Variants in ZFAT observed in about 807,000 individuals in gnomAD.
ZFAT encodes zinc finger and AT-hook domain containing, also known as zinc finger protein ZFAT.
ZFAT carries 64 observed loss-of-function variants against 117.7 expected under a neutral mutation model. The observed-to-expected ratio is 0.54, with a 90% confidence interval of 0.44 to 0.67. ZFAT has a LOEUF of 0.67. Among genes scored for constraint, ZFAT ranks in the 30% least tolerant of loss-of-function variants. The pLI, the probability that ZFAT is intolerant of heterozygous loss-of-function variation, is 0.00. For missense variants in ZFAT, 1,433 were observed against 1,584.5 expected (o/e 0.90, Z 1.62); for synonymous variants, 679 against 615.0 (o/e 1.10, Z -1.54).
At chr8:134,690,002 TCACTTA>T (rs1833515446) in intron 1 of ZFAT, among the ~76,000 whole-genome samples, 2 of 152,246 alleles carry the variant, frequency 1.3e-5, no homozygotes, top group Admixed American at 1.3e-4. Context: ...TAGAATCATT[TCACTTA>T]CAATCTATTT....
chr8:134,696,652 G>T, intron 1 of ZFAT: 1 of 973,300 alleles, frequency 1.0e-6, no homozygotes, highest in Non-Finnish European at 1.2e-6. Flanking sequence ...GTGGGACAGG[G>T]CATCCTGCCG....
At chr8:134,775,134 A>G in the ZFAT span, among the ~76,000 whole-genome samples, 1 of 152,054 alleles carries the variant, frequency 6.6e-6, no homozygotes, top group East Asian at 1.9e-4. Flanking sequence ...AAAACAAACA[A>G]ACAAAAACAA....
chr8:134,800,378 G>C, the ZFAT span: 8 of 378,856 alleles, frequency 2.1e-5, no homozygotes, highest in South Asian at 1.4e-4. Context: ...CTGCCAGCTA[G>C]ACAATTAACA....
chr8:134,825,957 CT>C, the ZFAT span, among the ~76,000 whole-genome samples: 5 of 150,618 alleles, frequency 3.3e-5, no homozygotes, highest in African/African-American at 9.8e-5. Context: ...AGAGGCGGAG[CT>C]TGCAGTGAGC....
At chr8:134,509,473 G>A (rs1819651687) in intron 15 of ZFAT, 146 bp downstream of exon 15, 3 of 1,071,696 alleles carry the variant, frequency 2.8e-6, no homozygotes, top group Non-Finnish European at 2.6e-6. Flanking sequence ...TGAGATCAGA[G>A]GTAGAATAAG....
chr8:134,669,655 A>C (rs1001365405), intron 1 of ZFAT, among the ~76,000 whole-genome samples: 1 of 152,258 alleles, frequency 6.6e-6, no homozygotes, highest in African/African-American at 2.4e-5. Context: ...AACATGACAA[A>C]TTGTAAAGAC....
chr8:134,803,313 T>G, the ZFAT span, among the ~76,000 whole-genome samples: 1 of 152,174 alleles, frequency 6.6e-6, no homozygotes, highest in Non-Finnish European at 1.5e-5. Context: ...TCAAACAAAA[T>G]AATCCTATTA....
intron 3 of ZFAT, among the ~76,000 whole-genome samples, chr8:134,627,906 T>C (rs1019246025): frequency 7.9e-5 from 12 of 152,270 alleles, no homozygotes; most frequent in Admixed American, 2.0e-4. Flanking sequence ...CCCTATTCTG[T>C]CCACAGGGAA....
intron 10 of ZFAT, among the ~76,000 whole-genome samples, chr8:134,580,220 G>A (rs1220014321): frequency 1.3e-5 from 2 of 151,516 alleles, no homozygotes; most frequent in Non-Finnish European, 2.9e-5. Flanking sequence ...CTAGGAAGGG[G>A]CAAACAGATC....
At chr8:134,638,027 T>C (rs755450344) in intron 2 of ZFAT, among the ~76,000 whole-genome samples, 4 of 152,208 alleles carry the variant, frequency 2.6e-5, no homozygotes, top group Non-Finnish European at 4.4e-5. Context: ...TCACAAATCC[T>C]GCCCCTTGTT....
At chr8:134,652,934 G>A (rs1312655006) in intron 2 of ZFAT, among the ~76,000 whole-genome samples, 1 of 152,040 alleles carries the variant, frequency 6.6e-6, no homozygotes, top group African/African-American at 2.4e-5. Context: ...CAACGTGAAT[G>A]CACAATGTAC....
At chr8:134,698,800 G>A (rs1347547231) in intron 1 of ZFAT, among the ~76,000 whole-genome samples, 1 of 152,110 alleles carries the variant, frequency 6.6e-6, no homozygotes, top group Non-Finnish European at 1.5e-5. Context: ...TCCCATCAAT[G>A]TTCCTGCCTA....
In ZFAT at chr8:134,534,681, G is replaced by C. The variant is rs377036565; in HGVS notation, c.2977-1709C>G. Among the ~76,000 whole-genome samples the C allele has an allele frequency of 2.0e-5, 3 of 147,818 alleles. No homozygotes were observed. The East Asian group carries it at 6.0e-4, about 30-fold the overall frequency. On this transcript the variant is annotated intron_variant, in intron 11 of 15. Transcript: ENST00000377838. ...AGGGAGACAAGAAGAGAGAGGAGGA[G>C]AGAGAGGGGAGACAAGGAAAGAGAC...
At chr8:134,796,480 T>C in the ZFAT span, 8 of 152,164 alleles carry the variant, frequency 5.3e-5, no homozygotes, top group East Asian at 1.5e-3. Flanking sequence ...GTGAGAGAAG[T>C]GTTGAGTGGA....
the ZFAT span, among the ~76,000 whole-genome samples, chr8:134,727,447 T>TTC: frequency 6.6e-6 from 1 of 152,150 alleles, no homozygotes. Flanking sequence ...CTATCTGCCT[T>TTC]TCTCTCTCTC....
the ZFAT span, among the ~76,000 whole-genome samples, chr8:134,776,008 C>T: frequency 6.6e-6 from 1 of 152,212 alleles, no homozygotes; most frequent in Non-Finnish European, 1.5e-5. Flanking sequence ...CTGCCATCTT[C>T]ATCTTTATGA....
chr8:134,783,633 C>T, the ZFAT span: 2 of 152,170 alleles, frequency 1.3e-5, no homozygotes, highest in South Asian at 4.1e-4. Context: ...GTTCTTTAAA[C>T]AGTTATGGCA....
chr8:134,726,750 C>T, the ZFAT span, among the ~76,000 whole-genome samples: 4 of 152,048 alleles, frequency 2.6e-5, no homozygotes, highest in East Asian at 3.9e-4. Flanking sequence ...CGCAGGTGAA[C>T]GCCACCATGC....
In ZFAT at chr8:134,664,255, G is replaced by T. The variant is rs140409168; in HGVS notation, c.20-6518C>A. The stretch of plus-strand genomic sequence containing the variant: ...AGAGGCTGACCTCCCCTCAGCCAGG[G>T]AAGTGCAGGGGCAAGCAGAACCCGG... On this transcript the variant is annotated intron_variant, in intron 1 of 15. Coordinates refer to ENST00000377838, the MANE Select transcript of ZFAT (RefSeq NM_020863.4). 7.9e-5 allele frequency among the ~76,000 whole-genome samples: 12 copies of T among 152,196 alleles called. No individual in the cohort carries two copies. The East Asian group carries it at 2.3e-3, about 29-fold the overall frequency.
Sources: gnomAD v4.1 joint callset for allele counts (sites outside exome capture counted in the v4.1 genomes callset) on GRCh38, gnomAD v4.1.1 for gene constraint, MANE v1.5 for transcripts, NCBI Gene and HGNC (gene_info 2026-07-23, HGNC 2026-07-21) for gene names.